KIAA1210: variants seen among roughly 807,000 people sequenced by gnomAD.
The protein encoded by KIAA1210 is KIAA1210, also known as acrosomal protein KIAA1210.
In KIAA1210, 48 loss-of-function variants were observed where a neutral mutation model predicts 78.9. That is an observed-to-expected ratio of 0.61 (90% CI 0.48 to 0.77). The LOEUF is 0.77. KIAA1210 is among the 30% of genes least tolerant of loss of function. The probability of loss-of-function intolerance (pLI) is 0.00; values close to 1 mark genes in which losing one functional copy is unlikely to be tolerated. For synonymous variants in KIAA1210, 406 were observed against 404.5 expected, an observed-to-expected ratio of 1.00 and a Z score of -0.04; for missense variants, 1,108 against 1,100.0, an observed-to-expected ratio of 1.01 and a Z score of -0.10.
intron 11 of KIAA1210, among the ~76,000 whole-genome samples, chrX:119,082,612 C>A (rs1056112201): frequency 5.2e-4 from 58 of 112,209 alleles, no homozygotes; most frequent in East Asian, 2.0e-3. Context: ...AATTGAATAC[C>A]ATTGGGCCTT....
intron 4 of KIAA1210, 91 bp downstream of exon 4, chrX:119,108,985 A>T (rs1927984683): frequency 1.0e-6 from 1 of 1,000,748 alleles, no homozygotes; most frequent in Middle Eastern, 2.7e-4. Context: ...AGCAGAACCA[A>T]GTTCCCACTC....
At chrX:119,123,148 G>C (rs1168203159) in intron 2 of KIAA1210, among the ~76,000 whole-genome samples, 2 of 112,248 alleles carry the variant, frequency 1.8e-5, no homozygotes, top group Non-Finnish European at 3.8e-5. Context: ...ACACGAGTAA[G>C]TTTTGCCAAA....
rs1927303290 is a variant in KIAA1210, at chrX:119,089,645, T to A, written c.1057A>T (p.Met353Leu). Residue 353 changes from methionine (M) to leucine (L), a missense_variant, in exon 9 of 12, where the codon ATG becomes TTG. Transcript: ENST00000691062. ...TDASRSQGYP[M>L]SAAYGRRWRR... ...CATCTTCTTCCATATGCTGCTGACA[T>A]TGGATAGCCCTGACTCCGAGAAGCA... 1.7e-6 allele frequency: 2 copies of A among 1,211,515 alleles called. No individual in the cohort carries two copies. The highest frequency in any genetic ancestry group is 3.5e-5 in the South Asian group (2 of 56,939).
chrX:119,089,034 C>A lies in KIAA1210; in HGVS notation c.1668G>T (p.Lys556Asn). ...AGGTCTGGTGAACATTTCCAGAAGG[C>A]TTTTCTTTGCAGATAGTTTGAACAT... ...AQDVQTICKE[K>N]PSGNVHQTFT... Residue 556 changes from lysine (K) to asparagine (N), a missense_variant, in exon 9 of 12, where the codon AAG (lysine) becomes AAT (asparagine). Lys to Asn is a moderately conservative substitution (Grantham distance 94). Transcript: ENST00000691062. 1 of 1,211,784 alleles carries A rather than the reference C, an allele frequency of 8.3e-7. No individual in the cohort carries two copies. The highest frequency in any genetic ancestry group is 1.1e-6 in the Non-Finnish European group (1 of 895,327).
chrX:119,112,430 C>T (rs180827482), intron 3 of KIAA1210, among the ~76,000 whole-genome samples: 1 of 110,464 alleles, frequency 9.1e-6, no homozygotes, highest in South Asian at 3.8e-4. Context: ...TTATTGAATT[C>T]TTAAGGAATT....
chrX:119,123,087 A>T (rs1362790276), intron 2 of KIAA1210, among the ~76,000 whole-genome samples: 1 of 112,110 alleles, frequency 8.9e-6, no homozygotes, highest in African/African-American at 3.2e-5. Flanking sequence ...TAATTATTCC[A>T]TGCATGATCA....
intron 6 of KIAA1210, 36 bp from the exon 7 acceptor site, chrX:119,096,727 G>C (rs367752694): frequency 9.6e-7 from 1 of 1,044,290 alleles, no homozygotes; most frequent in Admixed American, 2.8e-5. Flanking sequence ...GAGTCAACCC[G>C]TATGCTGTTA....
chrX:119,131,166 T>C (rs1390511145), upstream of KIAA1210, among the ~76,000 whole-genome samples: 2 of 111,802 alleles, frequency 1.8e-5, no homozygotes, highest in Admixed American at 9.5e-5. Context: ...TAGGATGAAA[T>C]GTATTTCACA....
intron 2 of KIAA1210, among the ~76,000 whole-genome samples, chrX:119,140,997 A>G (rs767869839): frequency 8.9e-6 from 1 of 112,455 alleles, no homozygotes; most frequent in Middle Eastern, 4.2e-3. Flanking sequence ...ATCACAAATG[A>G]ACAGTGAACT....
chrX:119,140,327 G>C (rs1294552759), intron 2 of KIAA1210, among the ~76,000 whole-genome samples: 1 of 110,272 alleles, frequency 9.1e-6, no homozygotes, highest in Admixed American at 9.7e-5. Flanking sequence ...TCAGGAGTTC[G>C]AGATCAGCCT....
intron 3 of KIAA1210, among the ~76,000 whole-genome samples, chrX:119,114,739 T>C (rs1204231249): frequency 8.9e-6 from 1 of 112,010 alleles, no homozygotes; most frequent in Non-Finnish European, 1.9e-5. Flanking sequence ...ATTGGCTCTA[T>C]AGTGCCAAGC....
intron 6 of KIAA1210, 21 bp from the exon 7 acceptor site, chrX:119,096,712 T>C (rs1603266586): frequency 1.8e-6 from 2 of 1,134,743 alleles, no homozygotes; most frequent in East Asian, 3.1e-5. Context: ...TGGGAGAAAA[T>C]AGACGAGTCA....
rs1427631999 is a variant in KIAA1210 at position 119,105,060 on chromosome X, G to A, written c.580C>T (p.Leu194Phe). The change falls in exon 6 of 12, where the codon CTC becomes TTC. Residue 194 changes from leucine (L) to phenylalanine (F), a missense_variant. Leu to Phe is a conservative substitution (Grantham distance 22). Transcript: ENST00000691062. Reference protein sequence around the residue: ...IISKNLVEISLDDESPKNPQK... With the variant: ...IISKNLVEISFDDESPKNPQK... ...GGATTCTTAGGTGACTCATCATCGAGAGAGATTTCTACCAAGTTCTTAGAA... is the reference window on the plus strand; with the variant it reads ...GGATTCTTAGGTGACTCATCATCGAAAGAGATTTCTACCAAGTTCTTAGAA... 2.5e-6 allele frequency: 3 copies of A among 1,209,562 alleles called. No homozygotes were observed. In the South Asian group the frequency reaches 5.3e-5, roughly 21 times the overall value.
intron 2 of KIAA1210, among the ~76,000 whole-genome samples, chrX:119,120,299 C>T (rs1270165470): frequency 8.9e-6 from 1 of 112,322 alleles, no homozygotes. Flanking sequence ...GATTTAGAAA[C>T]ACAGCAATTG....
At chrX:119,140,999 C>T (rs1021131031) in intron 2 of KIAA1210, among the ~76,000 whole-genome samples, 2 of 112,469 alleles carry the variant, frequency 1.8e-5, no homozygotes, top group East Asian at 2.8e-4. Flanking sequence ...CACAAATGAA[C>T]AGTGAACTAA....
At chrX:119,140,011 T>C (rs2147199017) in intron 2 of KIAA1210, among the ~76,000 whole-genome samples, 1 of 111,509 alleles carries the variant, frequency 9.0e-6, no homozygotes, top group East Asian at 2.8e-4. Context: ...CTAGGGTTAT[T>C]TTTAGCTCAG....
In KIAA1210 at chrX:119,088,603, C is replaced by T. The variant is rs201903217; in HGVS notation, c.2099G>A (p.Arg700Lys). 5.8e-6 allele frequency: 7 copies of T among 1,211,613 alleles called. No homozygotes were observed. Among genetic ancestry groups the T allele is most frequent in the Non-Finnish European group, 7.8e-6 (7 of 895,410 alleles). ...CSSSEEDLPL[R>K]HPAQALGKPK... is the part of the protein sequence containing the mutation. ...CTTTCCCAAGGCCTGAGCAGGGTGT[C>T]TGAGAGGCAGGTCTTCCTCTGAGCT... The change falls in exon 9 of 12, where the codon AGA becomes AAA. Residue 700 changes from arginine (R) to lysine (K), a missense_variant. Around this residue, in one of 5 missense-constraint regions of KIAA1210, gnomAD observed 672 missense variants for 607.1 expected, o/e 1.11. Coordinates refer to ENST00000691062, the MANE Select transcript of KIAA1210 (RefSeq NM_001394962.1).
In KIAA1210 at chrX:119,089,352, G is replaced by A. The variant is rs376389367; in HGVS notation, c.1350C>T (p.Phe450=). The A allele has an allele frequency of 1.4e-5, 17 of 1,209,886 alleles. No homozygotes were observed. The highest frequency in any genetic ancestry group is 1.1e-4 in the Admixed American group (5 of 45,823). The change falls in exon 9 of 12, where the codon TTC becomes TTT. Residue 450 remains phenylalanine (F), a synonymous_variant. Coordinates refer to ENST00000691062, the MANE Select transcript of KIAA1210 (RefSeq NM_001394962.1). ...DMGRRNAGID[F]GSRKASAAQP... is the part of the protein sequence containing the mutation. Reference sequence around the variant, plus strand: ...GTGCTGCTGATGCTTTTCTGGATCCGAAATCTATGCCAGCATTTCTCCTTC... The same window carrying A: ...GTGCTGCTGATGCTTTTCTGGATCCAAAATCTATGCCAGCATTTCTCCTTC...
intron 6 of KIAA1210, among the ~76,000 whole-genome samples, chrX:119,099,212 G>A (rs1927657392): frequency 8.9e-6 from 1 of 112,784 alleles, no homozygotes; most frequent in Admixed American, 9.4e-5. Flanking sequence ...AAACCTTGTG[G>A]TATAAACACT....
Sources: gnomAD v4.1 joint callset for allele counts (sites outside exome capture counted in the v4.1 genomes callset) on GRCh38, gnomAD v4.1.1 for gene constraint, gnomAD v4.1.1 regional missense constraint, MANE v1.5 for transcripts, NCBI Gene and HGNC (gene_info 2026-07-23, HGNC 2026-07-21) for gene names.